PCDHGB1: variants seen among roughly 807,000 people sequenced by gnomAD.
PCDHGB1 encodes the protein protocadherin gamma subfamily B, 1.
Under a neutral mutation model 56.6 loss-of-function variants are expected in PCDHGB1, and 34 were observed. The ratio of observed to expected loss-of-function variants is 0.60; its 90% CI spans 0.46 to 0.80. PCDHGB1 has a LOEUF of 0.80. Ranked by LOEUF, PCDHGB1 falls within the 30% of genes least tolerant of loss-of-function variation. The probability of loss-of-function intolerance (pLI) is 0.00; values close to 1 mark genes in which losing one functional copy is unlikely to be tolerated. For synonymous variants in PCDHGB1, 561 were observed against 505.9 expected, an observed-to-expected ratio of 1.11 and a Z score of -1.46; for missense variants, 1,278 against 1,204.6, an observed-to-expected ratio of 1.06 and a Z score of -0.90.
chr5:141,468,981 A>G (rs1209945826), intron 1 of PCDHGB1, among the ~76,000 whole-genome samples: 4 of 151,852 alleles, frequency 2.6e-5, no homozygotes, highest in East Asian at 1.9e-4. Context: ...TTTGACTTCC[A>G]AAATTATTGT....
chr5:141,423,693 G>T lies in PCDHGB1; in HGVS notation c.2409+71024G>T, dbSNP rs114008539. On this transcript the variant is annotated intron_variant, in intron 1 of 3. Transcript: ENST00000523390. ...TTATTTCTCTGCCTCCTAATTGTTG[G>T]TGTCTTGGCACAAGTCTTTTAAGGA... 910 of 1,396,244 alleles carry T rather than the reference G, an allele frequency of 6.5e-4. 7 individuals carry two copies. The African/African-American group carries it at 0.012, about 18-fold the overall frequency. 86.5% of individuals were successfully genotyped at this position (1,396,244 alleles called of 1,614,324 possible).
In PCDHGB1 at chr5:141,477,556, T is replaced by C. The variant is rs2099412953; in HGVS notation, c.2410-17251T>C. On this transcript the variant is annotated intron_variant, in intron 1 of 3. Transcript: ENST00000523390. The surrounding 1 kb of genome is among the most constrained non-coding windows in gnomAD (Gnocchi z 4.9). The stretch of plus-strand genomic sequence containing the variant: ...CCGGGGCTCCAATACTAAACCTAAG[T>C]GTCTGGGACCCCGACGCCCCGCAGA... 6.2e-7 allele frequency: 1 copy of C among 1,614,164 alleles called. No homozygotes were observed. The highest frequency in any genetic ancestry group is 1.1e-5 in the South Asian group (1 of 91,086).
chr5:141,392,976 G>T (rs892304367), intron 1 of PCDHGB1: 1 of 1,613,866 alleles, frequency 6.2e-7, no homozygotes, highest in South Asian at 1.1e-5. Flanking sequence ...CCTGGGGCTG[G>T]ACCCCCGGAA....
chr5:141,477,268 C>T lies in PCDHGB1; in HGVS notation c.2410-17539C>T. ...TGACTGACCTGGATGCTGGCGAGAA[C>T]GGGCTGGTGACCTGCGAAGTTCCAC... On this transcript the variant is annotated intron_variant, in intron 1 of 3. Transcript: ENST00000523390. The surrounding 1 kb of genome is among the most constrained non-coding windows in gnomAD (Gnocchi z 4.9). The T allele has an allele frequency of 6.2e-7, 1 of 1,614,196 alleles. No individual in the cohort carries two copies. The highest frequency in any genetic ancestry group is 8.5e-7 in the Non-Finnish European group (1 of 1,180,030).
Position 141,431,953 on chromosome 5 carries a change from C to G in PCDHGB1, c.2410-62854C>G. 1.2e-6 allele frequency: 2 copies of G among 1,614,082 alleles called. No individual in the cohort carries two copies. Among genetic ancestry groups the G allele is most frequent in the East Asian group, 4.5e-5 (2 of 44,886 alleles). ...TGCCCTTTAAATTAGAAAAATCTTA[C>G]GGAAATTACTATAGTTTAGTCACAG... On this transcript the variant is annotated intron_variant, in intron 1 of 3. Transcript: ENST00000523390. The surrounding 1 kb of genome is among the most constrained non-coding windows in gnomAD (Gnocchi z 4.8).
chr5:141,500,839 G>A (rs2099802871), intron 2 of PCDHGB1, among the ~76,000 whole-genome samples: 1 of 151,906 alleles, frequency 6.6e-6, no homozygotes, highest in African/African-American at 2.4e-5. Flanking sequence ...ATGCTAATGG[G>A]CTTTTGCTAC....
chr5:141,376,183 C>A, intron 1 of PCDHGB1: 1 of 1,614,148 alleles, frequency 6.2e-7, no homozygotes, highest in Non-Finnish European at 8.5e-7. Flanking sequence ...TGGCCGCGGT[C>A]TCCTGCGTCT....
At chr5:141,423,549 C>T (rs748764057) in intron 1 of PCDHGB1, 113 of 1,613,568 alleles carry the variant, frequency 7.0e-5, no homozygotes, top group Non-Finnish European at 8.7e-5. Flanking sequence ...TCCCCCAGCC[C>T]AACTATGGGG....
chr5:141,494,236 T>C (rs1384800217), intron 1 of PCDHGB1, among the ~76,000 whole-genome samples: 7 of 152,128 alleles, frequency 4.6e-5, no homozygotes, highest in Non-Finnish European at 1.0e-4. Flanking sequence ...AAATTAATAA[T>C]GTATTTAGCT....
In PCDHGB1 at chr5:141,408,857, G is replaced by T. The variant is rs372861749; in HGVS notation, c.2409+56188G>T. 1.9e-5 allele frequency: 30 copies of T among 1,613,424 alleles called. No homozygotes were observed. Among genetic ancestry groups the T allele is most frequent in the Non-Finnish European group, 2.5e-5 (29 of 1,179,810 alleles). ...GATATTGACTGCCTTGGACGGAGGG[G>T]ACCCACCAAGAAGTGCCACCGCTCA... On this transcript the variant is annotated intron_variant, in intron 1 of 3. Coordinates refer to ENST00000523390, the MANE Select transcript of PCDHGB1 (RefSeq NM_018922.3).
chr5:141,357,648 C>G, intron 1 of PCDHGB1: 5 of 1,609,552 alleles, frequency 3.1e-6, no homozygotes, highest in Non-Finnish European at 4.2e-6. Flanking sequence ...ATAGATCATA[C>G]CACACTGAAA....
At chr5:141,415,772 T>TTTTTTA in intron 1 of PCDHGB1, 1 of 1,332,986 alleles carries the variant, frequency 7.5e-7, no homozygotes, top group Non-Finnish European at 9.6e-7. Flanking sequence ...TTTTTTTTTT[T>TTTTTTA]ACTTTCTGGT....
Position 141,366,617 on chromosome 5 carries a change from T to G in PCDHGB1, c.2409+13948T>G, listed in dbSNP as rs768444252. 5.0e-6 allele frequency: 8 copies of G among 1,614,120 alleles called. No individual in the cohort carries two copies. The African/African-American group carries it at 1.1e-4, about 22-fold the overall frequency. On this transcript the variant is annotated intron_variant, in intron 1 of 3. Transcript: ENST00000523390. ...CCACGAGGTCTCCCTCACCGCGGAC[T>G]CGAGGAAGAGTCACCTGATCTTTCC...
intron 1 of PCDHGB1, chr5:141,356,521 C>T: frequency 1.2e-6 from 2 of 1,613,646 alleles, no homozygotes; most frequent in Non-Finnish European, 1.7e-6. Context: ...TATTTCACTG[C>T]AAGTGATGGA....
chr5:141,395,077 AG>A lies in PCDHGB1; in HGVS notation c.2409+42410del, dbSNP rs747226962. 4.3e-6 allele frequency: 7 copies of A among 1,614,024 alleles called. No individual in the cohort carries two copies. The African/African-American group carries it at 9.3e-5, about 22-fold the overall frequency. On this transcript the variant is annotated intron_variant, in intron 1 of 3. Transcript: ENST00000523390. ...CAGGCTTTCCTGCAGACCTATTCCC[AG>A]GAAGTCTCCCTCACCGCCGACTCGC...
chr5:141,383,512 G>A (rs755956919), intron 1 of PCDHGB1: 4 of 1,612,576 alleles, frequency 2.5e-6, no homozygotes, highest in Non-Finnish European at 2.5e-6. Context: ...CCGGGAGGAA[G>A]AGCGGGTTCA....
chr5:141,390,034 C>A, intron 1 of PCDHGB1: 2 of 1,614,066 alleles, frequency 1.2e-6, no homozygotes, highest in Non-Finnish European at 1.7e-6. Context: ...CGACGCTCCT[C>A]CAGCCCCGCC....
chr5:141,466,769 T>C (rs760924688), intron 1 of PCDHGB1, among the ~76,000 whole-genome samples: 1 of 152,198 alleles, frequency 6.6e-6, no homozygotes, highest in African/African-American at 2.4e-5. Flanking sequence ...CAAACTGTTA[T>C]CTTATTCTTC....
At chr5:141,410,762 T>C in intron 1 of PCDHGB1, 1 of 1,171,656 alleles carries the variant, frequency 8.5e-7, no homozygotes, top group Non-Finnish European at 1.2e-6. Flanking sequence ...GTTTTTTCAA[T>C]TATAGTTTTC....
Sources: gnomAD v4.1 joint callset for allele counts (sites outside exome capture counted in the v4.1 genomes callset) on GRCh38, gnomAD v4.1.1 for gene constraint, Gnocchi (gnomAD v3.1) non-coding constraint, MANE v1.5 for transcripts, NCBI Gene and HGNC (gene_info 2026-07-23, HGNC 2026-07-21) for gene names.